Variants in SEM1 observed in about 807,000 individuals in gnomAD.
SEM1 encodes SEM1 26S proteasome subunit, also known as 26S proteasome complex subunit SEM1.
In SEM1, 3 loss-of-function variants were observed where a neutral mutation model predicts 12.7. That is an observed-to-expected ratio of 0.24 (90% CI 0.11 to 0.61). The LOEUF (loss-of-function observed/expected upper bound fraction) is 0.61. SEM1 is among the 20% of genes least tolerant of loss of function. The pLI, the probability that SEM1 is intolerant of heterozygous loss-of-function variation, is 0.88. For missense variants in SEM1, 59 were observed against 81.3 expected (o/e 0.73, Z 1.06); for synonymous variants, 30 against 27.8 (o/e 1.08, Z -0.25).
chr7:96,553,065 G>A (rs1333759452), intron 2 of SEM1, among the ~76,000 whole-genome samples: 1 of 152,016 alleles, frequency 6.6e-6, no homozygotes, highest in East Asian at 1.9e-4. Context: ...TTGTAAATTT[G>A]TTTGAGTTCA....
chr7:96,605,999 G>A (rs1807366629), intron 2 of SEM1, among the ~76,000 whole-genome samples: 2 of 152,110 alleles, frequency 1.3e-5, no homozygotes, highest in South Asian at 4.1e-4. Flanking sequence ...CAGATAAACT[G>A]CTGCAGTATT....
At chr7:96,615,589 AT>A (rs1807693288) in intron 2 of SEM1, among the ~76,000 whole-genome samples, 1 of 152,134 alleles carries the variant, frequency 6.6e-6, no homozygotes, top group African/African-American at 2.4e-5. Context: ...TCCATCATCA[AT>A]TTTTTATTTA....
chr7:96,556,225 CA>C (rs1467995581), intron 2 of SEM1, among the ~76,000 whole-genome samples: 2 of 151,432 alleles, frequency 1.3e-5, no homozygotes, highest in Non-Finnish European at 2.9e-5. Context: ...GAATTTGATC[CA>C]GTCATTATGA....
intron 2 of SEM1, among the ~76,000 whole-genome samples, chr7:96,508,555 C>T (rs1803828383): frequency 6.6e-6 from 1 of 152,124 alleles, no homozygotes; most frequent in Non-Finnish European, 1.5e-5. Context: ...ATCATGTTGC[C>T]TCTGCTGTCA....
intron 2 of SEM1, among the ~76,000 whole-genome samples, chr7:96,585,046 G>A (rs1460791521): frequency 1.3e-5 from 2 of 151,764 alleles, no homozygotes; most frequent in African/African-American, 4.8e-5. Flanking sequence ...GAGGCGCTCT[G>A]CTTTTTAGAG....
At chr7:96,633,458 C>G (rs1460296384) in intron 2 of SEM1, among the ~76,000 whole-genome samples, 1 of 152,000 alleles carries the variant, frequency 6.6e-6, no homozygotes, top group Non-Finnish European at 1.5e-5. Context: ...AAAAATAGCA[C>G]AATGTTTTGA....
intron 2 of SEM1, among the ~76,000 whole-genome samples, chr7:96,548,009 C>T (rs1031863005): frequency 5.3e-5 from 8 of 150,860 alleles, no homozygotes; most frequent in African/African-American, 1.9e-4. Flanking sequence ...GTACACTGGG[C>T]AAAAAATAAA....
chr7:96,658,124 AATCC>A (rs1809242622), intron 2 of SEM1, among the ~76,000 whole-genome samples: 2 of 152,180 alleles, frequency 1.3e-5, no homozygotes, highest in African/African-American at 4.8e-5. Flanking sequence ...TAGGCCGATG[AATCC>A]CAAGTGAAAT....
intron 2 of SEM1, among the ~76,000 whole-genome samples, chr7:96,658,361 C>A (rs549144494): frequency 1.2e-4 from 19 of 152,246 alleles, no homozygotes; most frequent in Admixed American, 5.9e-4. Context: ...ATCAGAAATG[C>A]TTGGAAAATG....
At chr7:96,674,959 G>C (rs1056267788) in intron 2 of SEM1, among the ~76,000 whole-genome samples, 1 of 152,162 alleles carries the variant, frequency 6.6e-6, no homozygotes, top group Admixed American at 6.5e-5. Context: ...AGCAGGGGTG[G>C]GTGACATGGA....
At chr7:96,501,717 A>G (rs1803560192) in intron 3 of SEM1, among the ~76,000 whole-genome samples, 1 of 152,106 alleles carries the variant, frequency 6.6e-6, no homozygotes, top group Non-Finnish European at 1.5e-5. Flanking sequence ...GCTTTATGTG[A>G]ATTATTATTA....
intron 2 of SEM1, among the ~76,000 whole-genome samples, chr7:96,507,886 G>A (rs1563036601): frequency 2.0e-5 from 3 of 152,056 alleles, no homozygotes; most frequent in African/African-American, 7.2e-5. Context: ...GATAGGATGG[G>A]ATGCATTGAG....
intron 1 of SEM1, chr7:96,486,449 C>T (rs779497276): frequency 6.6e-7 from 1 of 1,521,494 alleles, no homozygotes; most frequent in South Asian, 1.2e-5. Flanking sequence ...TTATCCTAGA[C>T]CTTTCAGGCT....
At chr7:96,533,266 C>T (rs1311550831) in intron 2 of SEM1, among the ~76,000 whole-genome samples, 1 of 151,992 alleles carries the variant, frequency 6.6e-6, no homozygotes, top group Non-Finnish European at 1.5e-5. Flanking sequence ...TGGCAAAACC[C>T]ATGCTGACCT....
intron 2 of SEM1, among the ~76,000 whole-genome samples, chr7:96,537,931 T>A (rs1043485907): frequency 2.6e-5 from 4 of 151,836 alleles, no homozygotes; most frequent in Non-Finnish European, 1.5e-5. Context: ...TTATGCCTTT[T>A]GAAATTTTCC....
intron 2 of SEM1, among the ~76,000 whole-genome samples, chr7:96,551,110 C>T (rs1476524950): frequency 6.6e-6 from 1 of 151,990 alleles, no homozygotes; most frequent in Non-Finnish European, 1.5e-5. Context: ...CAGGAGAGCA[C>T]TTAAGACAAT....
chr7:96,664,254 G>GTTAGCCT (rs1416749291), intron 2 of SEM1: 1 of 152,226 alleles, frequency 6.6e-6, no homozygotes, highest in Non-Finnish European at 1.5e-5. Flanking sequence ...ACAGGAAGGT[G>GTTAGCCT]TTAGCCGACT....
At chr7:96,664,395 T>C (rs1260485187) in intron 2 of SEM1, 1 of 152,240 alleles carries the variant, frequency 6.6e-6, no homozygotes, top group Non-Finnish European at 1.5e-5. Context: ...CTGTTCTTCA[T>C]TTCAGAGGCC....
chr7:96,693,720 A>C (rs1209994081), intron 2 of SEM1, among the ~76,000 whole-genome samples: 1 of 151,548 alleles, frequency 6.6e-6, no homozygotes, highest in Non-Finnish European at 1.5e-5. Context: ...GCTCCTCAAA[A>C]AGTTAAATAT....
Sources: allele counts gnomAD v4.1 joint callset (sites outside exome capture counted in the v4.1 genomes callset), GRCh38; gene constraint gnomAD v4.1.1; transcripts MANE v1.5; gene names NCBI Gene and HGNC (gene_info 2026-07-23, HGNC 2026-07-21).